EPB41L4A: variants seen among roughly 807,000 people sequenced by gnomAD.
The protein encoded by EPB41L4A is band 4.1-like protein 4A.
In EPB41L4A, 100 loss-of-function variants were observed where a neutral mutation model predicts 108.6. The observed-to-expected ratio is 0.92, with a 90% CI of 0.78 to 1.09. The LOEUF (loss-of-function observed/expected upper bound fraction) is 1.09. EPB41L4A is among the 50% of genes least tolerant of loss of function. The pLI, the probability that EPB41L4A is intolerant of heterozygous loss-of-function variation, is 0.00. For missense variants in EPB41L4A, 1,030 were observed against 842.7 expected (o/e 1.22, Z -2.75); for synonymous variants, 319 against 289.0 (o/e 1.10, Z -1.05).
intron 15 of EPB41L4A, among the ~76,000 whole-genome samples, chr5:112,198,815 G>C (rs1580415320): frequency 6.6e-6 from 1 of 151,846 alleles, no homozygotes; most frequent in Middle Eastern, 3.4e-3. Context: ...CCTTTGTATT[G>C]ATAGAAATTC....
At chr5:112,176,324 C>G (rs1760859035) in intron 18 of EPB41L4A, among the ~76,000 whole-genome samples, 1 of 152,156 alleles carries the variant, frequency 6.6e-6, no homozygotes, top group East Asian at 1.9e-4. Flanking sequence ...AAATAAAGGA[C>G]AGAGCTCAGT....
intron 1 of EPB41L4A, among the ~76,000 whole-genome samples, chr5:112,323,277 T>C (rs2150632077): frequency 6.6e-6 from 1 of 152,288 alleles, no homozygotes; most frequent in Admixed American, 6.5e-5. Context: ...GATAATTCTC[T>C]AGACTGAAAG....
chr5:112,349,297 G>A (rs1407328212), intron 1 of EPB41L4A, among the ~76,000 whole-genome samples: 1 of 152,160 alleles, frequency 6.6e-6, no homozygotes, highest in African/African-American at 2.4e-5. Context: ...AAAGTCCCCT[G>A]GTACAGGAAG....
chr5:112,399,029 A>C (rs1675496064), intron 1 of EPB41L4A, among the ~76,000 whole-genome samples: 1 of 152,114 alleles, frequency 6.6e-6, no homozygotes, highest in South Asian at 2.1e-4. Context: ...CAGTAAATGT[A>C]CACTGTGAGA....
intron 1 of EPB41L4A, among the ~76,000 whole-genome samples, chr5:112,361,715 AT>A (rs1554103875): frequency 0.018 from 2,383 of 132,876 alleles, 56 homozygotes; most frequent in African/African-American, 0.065. Flanking sequence ...AAAAAAAATA[AT>A]AATAATAATA....
chr5:112,391,188 C>T (rs192862424), intron 1 of EPB41L4A, among the ~76,000 whole-genome samples: 2 of 152,284 alleles, frequency 1.3e-5, no homozygotes, highest in African/African-American at 2.4e-5. Flanking sequence ...TGCAGCTCCT[C>T]GCCAGCAACA....
At chr5:112,170,910 G>T in intron 19 of EPB41L4A, 35 bp downstream of exon 19, 1 of 1,593,242 alleles carries the variant, frequency 6.3e-7, no homozygotes, top group Non-Finnish European at 8.6e-7. Context: ...AACTACATGG[G>T]TTTTAAAACA....
At chr5:112,246,129 G>C (rs1750195264) in intron 9 of EPB41L4A, among the ~76,000 whole-genome samples, 1 of 152,164 alleles carries the variant, frequency 6.6e-6, no homozygotes, top group South Asian at 2.1e-4. Context: ...GGGCAGGGAG[G>C]GAAAGCCCAG....
At chr5:112,308,861 A>G (rs543824148) in intron 1 of EPB41L4A, among the ~76,000 whole-genome samples, 1 of 152,320 alleles carries the variant, frequency 6.6e-6, no homozygotes, top group African/African-American at 2.4e-5. Flanking sequence ...CAACATTTGG[A>G]TTGCAAAACT....
chr5:112,173,794 C>A (rs1255152023), intron 18 of EPB41L4A: 1 of 152,116 alleles, frequency 6.6e-6, no homozygotes, highest in Admixed American at 6.6e-5. Flanking sequence ...CAGGCATGTG[C>A]CACCCTGCCC....
At chr5:112,184,184 G>A (rs74474882) in intron 17 of EPB41L4A, 49 bp from the exon 18 acceptor site, 81,357 of 1,596,010 alleles carry the variant, frequency 0.051, 2,419 homozygotes, top group Non-Finnish European at 0.059. Flanking sequence ...TGGATGGCGC[G>A]TTTTAGGTTC....
chr5:112,309,659 C>T (rs1404355512), intron 1 of EPB41L4A, among the ~76,000 whole-genome samples: 1 of 152,160 alleles, frequency 6.6e-6, no homozygotes, highest in Non-Finnish European at 1.5e-5. Flanking sequence ...GATGAGAATA[C>T]CACCCCTATA....
rs573119837 is a variant in EPB41L4A at position 112,377,195 on chromosome 5, A to T, written c.99+41746T>A. Among the ~76,000 whole-genome samples the T allele has an allele frequency of 5.4e-5, 8 of 149,212 alleles. No homozygotes were observed. In the East Asian group the frequency reaches 1.4e-3, roughly 26 times the overall value. The stretch of plus-strand genomic sequence containing the variant: ...ACTTCAGCCTGGGTGACAGAGCAAG[A>T]TACTGTTGTCTGTTTGTTTGAAAAA... On this transcript the variant is annotated intron_variant, in intron 1 of 22. Coordinates refer to ENST00000261486, the MANE Select transcript of EPB41L4A (RefSeq NM_022140.5).
intron 3 of EPB41L4A, 131 bp downstream of exon 3, chr5:112,280,141 A>G: frequency 1.3e-6 from 1 of 771,278 alleles, no homozygotes; most frequent in African/African-American, 1.7e-5. Context: ...ACACATTCCC[A>G]TATTCTGGTA....
chr5:112,325,093 A>G (rs1442775594), intron 1 of EPB41L4A, among the ~76,000 whole-genome samples: 1 of 152,192 alleles, frequency 6.6e-6, no homozygotes, highest in Non-Finnish European at 1.5e-5. Context: ...CATCAATAGA[A>G]GAATTGTTGA....
At chr5:112,275,128 C>T in intron 4 of EPB41L4A, 198 bp downstream of exon 4, 2 of 547,020 alleles carry the variant, frequency 3.7e-6, no homozygotes, top group South Asian at 5.7e-5. Context: ...CAGGTTCACG[C>T]CATTTTCAAA....
chr5:112,391,886 A>C (rs1760968231), intron 1 of EPB41L4A, among the ~76,000 whole-genome samples: 1 of 152,152 alleles, frequency 6.6e-6, no homozygotes, highest in Admixed American at 6.5e-5. Flanking sequence ...CTCGGCAGAA[A>C]CTCCACAAGC....
intron 1 of EPB41L4A, among the ~76,000 whole-genome samples, chr5:112,413,934 G>A (rs1171632037): frequency 6.6e-6 from 1 of 152,128 alleles, no homozygotes; most frequent in Admixed American, 6.5e-5. Flanking sequence ...ACAACAAGGA[G>A]AAGAGGAGGA....
intron 13 of EPB41L4A, among the ~76,000 whole-genome samples, chr5:112,209,430 A>G (rs1475911238): frequency 1.3e-5 from 2 of 152,254 alleles, no homozygotes; most frequent in Non-Finnish European, 2.9e-5. Flanking sequence ...ACAAGTCTTC[A>G]TACATATGCA....
Sources: gnomAD v4.1 joint callset for allele counts (sites outside exome capture counted in the v4.1 genomes callset) on GRCh38, gnomAD v4.1.1 for gene constraint, MANE v1.5 for transcripts, NCBI Gene and HGNC (gene_info 2026-07-23, HGNC 2026-07-21) for gene names.